The following HYDIN variants were observed in gnomAD, a reference collection of about 807,000 sequenced individuals.
The protein encoded by HYDIN is axonemal central pair apparatus protein HYDIN.
HYDIN carries 132 observed loss-of-function variants against 403.9 expected under a neutral mutation model. That is an observed-to-expected ratio of 0.33 (90% CI 0.28 to 0.38). The LOEUF (loss-of-function observed/expected upper bound fraction) is 0.38. Among genes scored for constraint, HYDIN ranks in the 10% least tolerant of loss-of-function variants. HYDIN has a pLI of 1.00. For missense variants in HYDIN, 2,827 were observed against 5,009.5 expected (o/e 0.56, Z 13.15); for synonymous variants, 1,202 against 1,891.7 (o/e 0.64, Z 9.46).
intron 45 of HYDIN, among the ~76,000 whole-genome samples, chr16:70,932,247 C>T (rs373061207): frequency 1.3e-5 from 2 of 150,636 alleles, no homozygotes; most frequent in Admixed American, 1.3e-4. Flanking sequence ...CCCAGCTACC[C>T]GGGACGCTGA....
chr16:70,943,134 G>T (rs952005915), intron 42 of HYDIN, among the ~76,000 whole-genome samples: 3 of 152,098 alleles, frequency 2.0e-5, no homozygotes, highest in Admixed American at 2.0e-4. Flanking sequence ...AGCTGTGTCT[G>T]CAAACCATGA....
chr16:71,186,687 T>G (rs2144668409), intron 2 of HYDIN, 74 bp downstream of exon 2: 2 of 1,202,788 alleles, frequency 1.7e-6, no homozygotes, highest in South Asian at 3.0e-5. Flanking sequence ...ATTCTGAGAA[T>G]GCCAAGTAGC....
chr16:70,937,669 CA>C (rs55658404), intron 44 of HYDIN, among the ~76,000 whole-genome samples: 6,000 of 80,946 alleles, frequency 0.074, 492 homozygotes, highest in African/African-American at 0.27. Flanking sequence ...GAGTCTGTCT[CA>C]AAAAAAAAAA....
intron 75 of HYDIN, among the ~76,000 whole-genome samples, chr16:70,842,024 A>G (rs1359738093): frequency 1.3e-5 from 2 of 150,578 alleles, no homozygotes; most frequent in South Asian, 2.1e-4. Context: ...GGGCATCCCA[A>G]ATTTCTTTCC....
Position 70,937,964 on chromosome 16 carries a change from C to T in HYDIN, c.6995+650G>A, listed in dbSNP as rs2077545167. Among the ~76,000 whole-genome samples the T allele has an allele frequency of 2.0e-5, 3 of 152,258 alleles. No individual in the cohort carries two copies. In the South Asian group the frequency reaches 6.2e-4, roughly 32 times the overall value. ...GTGGCAGTCCTAAGTATCCTGGGCA[C>T]TAGGAGGCATGGGGGGATCGAGTAG... is the stretch of plus-strand genomic sequence containing the variant. On this transcript the variant is annotated intron_variant, in intron 44 of 85. Coordinates refer to ENST00000393567, the MANE Select transcript of HYDIN (RefSeq NM_001270974.2).
rs1189166567 is a variant in HYDIN, at chr16:70,864,341, A to AC, written c.11472-1160_11472-1159insG. Reference sequence around the variant, plus strand: ...GCAAGACTCCGGCTCAAAAAAAAAAAAAAAAAAAAAAAAAAAAAAAAAAAA... The same window carrying AC: ...GCAAGACTCCGGCTCAAAAAAAAAAACAAAAAAAAAAAAAAAAAAAAAAAAA... On this transcript the variant is annotated intron_variant, in intron 67 of 85. Coordinates refer to ENST00000393567, the MANE Select transcript of HYDIN (RefSeq NM_001270974.2). Among the ~76,000 whole-genome samples the AC allele has an allele frequency of 2.0e-3, 76 of 37,644 alleles. 5 individuals are homozygous for AC. The highest frequency in any genetic ancestry group is 7.4e-3 in the Middle Eastern group (1 of 136). 24.7% of individuals were successfully genotyped at this position (37,644 alleles called of 152,430 possible).
intron 58 of HYDIN, among the ~76,000 whole-genome samples, chr16:70,884,680 T>TAAAACAAAACAAAAC (rs60100896): frequency 9.6e-4 from 141 of 146,390 alleles, no homozygotes; most frequent in South Asian, 2.8e-3. Context: ...GAATTAGTGC[T>TAAAACAAAACAAAAC]AAAACAAAAC....
At chr16:70,856,865 T>C (rs1774413) in intron 72 of HYDIN, among the ~76,000 whole-genome samples, 2 of 152,006 alleles carry the variant, frequency 1.3e-5, no homozygotes, top group African/African-American at 4.8e-5. Flanking sequence ...ACAGGATGAA[T>C]GTGGAGAGAT....
intron 39 of HYDIN, among the ~76,000 whole-genome samples, chr16:70,956,625 G>A (rs1336710312): frequency 5.3e-5 from 8 of 152,094 alleles, no homozygotes. Context: ...GGAGAGACTG[G>A]GAGATGCTAT....
chr16:71,071,170 TAAAG>T, intron 13 of HYDIN, among the ~76,000 whole-genome samples: 1 of 143,810 alleles, frequency 7.0e-6, no homozygotes, highest in African/African-American at 2.6e-5. Context: ...GTGGGTATTA[TAAAG>T]AGTCACGTGG....
rs144258815 is a variant in HYDIN at position 70,998,929 on chromosome 16, G to A, written c.3645-6719C>T. Among the ~76,000 whole-genome samples, 677 of 152,286 alleles carry A rather than the reference G, an allele frequency of 4.4e-3. 4 individuals carry two copies. Among genetic ancestry groups the A allele is most frequent in the African/African-American group, 0.015 (633 of 41,546 alleles). ...TAGCAGCATGGTCTAGCTATGCCAC[G>A]TGAGAAGGGGAAGCCAACTAAAGAC... On this transcript the variant is annotated intron_variant, in intron 23 of 85. Coordinates refer to ENST00000393567, the MANE Select transcript of HYDIN (RefSeq NM_001270974.2).
At chr16:71,157,169 G>A (rs2085804986) in intron 6 of HYDIN, among the ~76,000 whole-genome samples, 1 of 151,624 alleles carries the variant, frequency 6.6e-6, no homozygotes, top group South Asian at 2.1e-4. Flanking sequence ...TCGAATAAGG[G>A]TAACAGACAT....
rs2035130556 is a variant in HYDIN, at chr16:70,806,887, G to T, written c.*693C>A. ...TGGTCCTGATGTGCAGATGGGTTGA[G>T]AATCCCTGCTCTCCTGCTGAATGCT... On this transcript the variant is annotated 3_prime_UTR_variant, in exon 86 of 86. Transcript: ENST00000393567. Among the ~76,000 whole-genome samples the T allele has an allele frequency of 1.3e-5, 2 of 152,188 alleles. No homozygotes were observed. The highest frequency in any genetic ancestry group is 4.8e-5 in the African/African-American group (2 of 41,436).
intron 35 of HYDIN, among the ~76,000 whole-genome samples, chr16:70,971,885 G>A (rs1180648249): frequency 6.6e-6 from 1 of 151,732 alleles, no homozygotes; most frequent in Non-Finnish European, 1.5e-5. Context: ...CTGATTTCTT[G>A]GTGCTGCTGA....
At chr16:70,926,149 G>A (rs1276995073) in intron 45 of HYDIN, among the ~76,000 whole-genome samples, 3 of 145,804 alleles carry the variant, frequency 2.1e-5, no homozygotes, top group South Asian at 2.2e-4. Context: ...CTGCTATAAC[G>A]ACACATGCGC....
At position 70,985,138 on chromosome 16, in the gene HYDIN, G is replaced by C. The variant is rs775265499; in HGVS notation, c.4332+47C>G. 5.1e-6 allele frequency: 8 copies of C among 1,584,146 alleles called. No homozygotes were observed. The African/African-American group carries it at 9.4e-5, about 19-fold the overall frequency. On this transcript the variant is annotated intron_variant, in intron 28 of 85. Coordinates refer to ENST00000393567, the MANE Select transcript of HYDIN (RefSeq NM_001270974.2). ...GTCGTGAATACTCACCTGCTTCGGA[G>C]TGGGGCTCGTAGGTTTGAATTCGGG...
chr16:70,875,067 T>A, intron 62 of HYDIN, 148 bp from the exon 63 acceptor site: 1 of 914,052 alleles, frequency 1.1e-6, no homozygotes, highest in Non-Finnish European at 1.5e-6. Flanking sequence ...TTAAGAGAGA[T>A]AAATAATAAA....
intron 66 of HYDIN, among the ~76,000 whole-genome samples, chr16:70,867,028 C>CAAAAAAA: frequency 1.1e-5 from 1 of 92,970 alleles, no homozygotes; most frequent in Non-Finnish European, 2.1e-5. Context: ...CTGTCCCCCT[C>CAAAAAAA]AAAAAAAAAA....
chr16:71,178,277 C>T (rs943547418), intron 4 of HYDIN, among the ~76,000 whole-genome samples: 5 of 151,526 alleles, frequency 3.3e-5, no homozygotes, highest in Admixed American at 2.6e-4. Flanking sequence ...AAATTAGTTG[C>T]GTGTGGTGGC....
Sources: allele counts gnomAD v4.1 joint callset (sites outside exome capture counted in the v4.1 genomes callset), GRCh38; gene constraint gnomAD v4.1.1; transcripts MANE v1.5; gene names NCBI Gene and HGNC (gene_info 2026-07-23, HGNC 2026-07-21).